Variants in PTPRU observed in about 807,000 individuals in gnomAD.
PTPRU encodes protein tyrosine phosphatase receptor type U, also known as receptor-type tyrosine-protein phosphatase U.
In PTPRU, 69 loss-of-function variants were observed where a neutral mutation model predicts 166.3. That is an observed-to-expected ratio of 0.41 (90% CI 0.34 to 0.51). The LOEUF (loss-of-function observed/expected upper bound fraction) is 0.51. Among genes scored for constraint, PTPRU ranks in the 20% least tolerant of loss-of-function variants. The pLI, the probability that PTPRU is intolerant of heterozygous loss-of-function variation, is 0.09. For missense variants in PTPRU, 1,657 were observed against 2,013.7 expected (o/e 0.82, Z 3.39); for synonymous variants, 793 against 814.0 (o/e 0.97, Z 0.44).
rs745525300 is a variant in PTPRU, at chr1:29,317,850, G to A, written c.3616G>A (p.Asp1206Asn). 3.1e-6 allele frequency: 5 copies of A among 1,613,916 alleles called. No homozygotes were observed. In the Admixed American group the frequency reaches 6.7e-5, roughly 22 times the overall value. The change falls in exon 25 of 30, where the codon GAC becomes AAC. Residue 1206 changes from aspartate (D) to asparagine (N), a missense_variant. Asp to Asn is a conservative substitution (Grantham distance 23). Coordinates refer to ENST00000373779, the MANE Select transcript of PTPRU (RefSeq NM_133178.4). This position sits in a 1 kb window ranked among gnomAD's most constrained non-coding sequence, Gnocchi z 5.6. ...KNRSMDVLPP[D>N]RCLPFLISTD... Reference sequence around the variant, plus strand: ...CCGCAGCATGGACGTCCTGCCGCCCGACCGCTGCCTGCCCTTCCTCATCTC... The same window carrying A: ...CCGCAGCATGGACGTCCTGCCGCCCAACCGCTGCCTGCCCTTCCTCATCTC...
chr1:29,259,268 T>C lies in PTPRU; in HGVS notation c.485T>C (p.Phe162Ser). The stretch of plus-strand genomic sequence containing the variant: ...CCCTCCCGCCTCCCCCAGGTGCTGT[T>C]TGAGGCCCTCATCTCCCCAGACCGC... ...TFWPNEYQVL[F>S]EALISPDRRG... The change falls in exon 4 of 30, where the codon TTT becomes TCT. Residue 162 changes from phenylalanine (F) to serine (S), a missense_variant. Around this residue, in one of 3 missense-constraint regions of PTPRU, gnomAD observed 453 missense variants for 496.9 expected, o/e 0.91. Coordinates refer to ENST00000373779, the MANE Select transcript of PTPRU (RefSeq NM_133178.4). 1 of 1,613,530 alleles carries C rather than the reference T, an allele frequency of 6.2e-7. No individual in the cohort carries two copies. Among genetic ancestry groups the C allele is most frequent in the African/African-American group, 1.3e-5 (1 of 75,006 alleles).
chr1:29,285,213 C>T lies in PTPRU; in HGVS notation c.2318+344C>T, dbSNP rs780004388. On this transcript the variant is annotated intron_variant, in intron 14 of 29. Coordinates refer to ENST00000373779, the MANE Select transcript of PTPRU (RefSeq NM_133178.4). ...GAGGTGACCTGGCTTTGAACCCCTA[C>T]CCTCCTGCAGACCTTCAGCCAAGGT... Among the ~76,000 whole-genome samples the T allele has an allele frequency of 2.6e-5, 4 of 152,168 alleles. No individual in the cohort carries two copies. In the South Asian group the frequency reaches 8.3e-4, roughly 31 times the overall value.
In PTPRU at chr1:29,282,761, A is replaced by C. The variant is rs1686136137; in HGVS notation, c.1954A>C (p.Thr652Pro). The C allele has an allele frequency of 6.2e-7, 1 of 1,613,880 alleles. No individual in the cohort carries two copies. The highest frequency in any genetic ancestry group is 8.5e-7 in the Non-Finnish European group (1 of 1,179,996). ...GGQDCFPVPL[T>P]FEAALARGLV... ...ACAGGACTGCTTCCCAGTGCCATTG[A>C]CCTTCGAGGCGGCGCTGGCCCGAGG... The change falls in exon 12 of 30, where the codon ACC becomes CCC. Residue 652 changes from threonine to proline, a missense_variant. Thr to Pro is a conservative substitution (Grantham distance 38). Around this residue, in one of 3 missense-constraint regions of PTPRU, gnomAD observed 1,190 missense variants for 1,477.4 expected, o/e 0.81. Coordinates refer to ENST00000373779, the MANE Select transcript of PTPRU (RefSeq NM_133178.4).
At chr1:29,304,899 TC>T (rs979894106) in intron 17 of PTPRU, 50 bp downstream of exon 17, 1 of 1,504,000 alleles carries the variant, frequency 6.6e-7, no homozygotes, top group African/African-American at 1.4e-5. Context: ...TGGGAGGGCA[TC>T]AGGAGGGGGA....
intron 7 of PTPRU, among the ~76,000 whole-genome samples, 182 bp from the exon 8 acceptor site, chr1:29,275,266 G>C (rs767263650): frequency 1.3e-5 from 2 of 152,138 alleles, no homozygotes; most frequent in African/African-American, 2.4e-5. Context: ...TTCAAATGTA[G>C]TCCGCCTGAC....
chr1:29,272,242 CT>C (rs2151949768), intron 7 of PTPRU, among the ~76,000 whole-genome samples: 1 of 152,324 alleles, frequency 6.6e-6, no homozygotes, highest in East Asian at 1.9e-4. Context: ...GGTGAATGGG[CT>C]TGCAGCCCAC....
At chr1:29,244,015 C>A (rs754437085) in intron 1 of PTPRU, among the ~76,000 whole-genome samples, 5 of 152,100 alleles carry the variant, frequency 3.3e-5, no homozygotes, top group Non-Finnish European at 5.9e-5. Flanking sequence ...AACCACAAGA[C>A]CTTGTGATGA....
At chr1:29,277,803 CTTTTTTTTTTTTTTT>C (rs71586898) in intron 8 of PTPRU, among the ~76,000 whole-genome samples, 31 of 50,592 alleles carry the variant, frequency 6.1e-4, no homozygotes, top group African/African-American at 1.6e-3. Context: ...AGTTGTCATT[CTTTTTTTTTTTTTTT>C]TTTTTTTTTT....
Position 29,279,781 on chromosome 1 carries a change from AT to A in PTPRU, c.1765+125del. On this transcript the variant is annotated intron_variant, in intron 10 of 29. Coordinates refer to ENST00000373779, the MANE Select transcript of PTPRU (RefSeq NM_133178.4). The surrounding 1 kb of genome is among the most constrained non-coding windows in gnomAD (Gnocchi z 5.2). Reference sequence around the variant, plus strand: ...ACAGAGGGCCCCTGCTGAGATAAATATGCCATTTAGGAGTTAAAGTCAGGCT... The same window carrying A: ...ACAGAGGGCCCCTGCTGAGATAAATAGCCATTTAGGAGTTAAAGTCAGGCT... 1 of 1,205,696 alleles carries A rather than the reference AT, an allele frequency of 8.3e-7. No individual in the cohort carries two copies. The highest frequency in any genetic ancestry group is 1.2e-6 in the Non-Finnish European group (1 of 850,446). The allele number at this position is 1,205,696 out of a possible 1,614,324, so 74.7% of individuals were successfully genotyped here. A position where few individuals can be genotyped will look rare whatever the true frequency, so the allele number is the denominator to read the frequency against.
At chr1:29,304,737 C>T (rs755633655) in intron 16 of PTPRU, 37 bp from the exon 17 acceptor site, 1 of 1,538,126 alleles carries the variant, frequency 6.5e-7, no homozygotes, top group Admixed American at 1.7e-5. Flanking sequence ...AGTGAGGGTC[C>T]CTCTCTCCCA....
rs1687876209 is a variant in PTPRU, at chr1:29,315,777, C to T, written c.3364-225C>T. 2.6e-5 allele frequency among the ~76,000 whole-genome samples: 4 copies of T among 152,274 alleles called. No individual in the cohort carries two copies. The South Asian group carries it at 8.3e-4, about 32-fold the overall frequency. On this transcript the variant is annotated intron_variant, in intron 23 of 29. Transcript: ENST00000373779. The surrounding 1 kb of genome is among the most constrained non-coding windows in gnomAD (Gnocchi z 4.5). ...TGTGTGACCGTGAGCTGTCCCCCAC[C>T]TCTCAGAGCACTCACAGAGTTGTTA...
intron 15 of PTPRU, among the ~76,000 whole-genome samples, chr1:29,302,197 C>CA (rs1415780764): frequency 5.0e-5 from 7 of 141,240 alleles, no homozygotes; most frequent in South Asian, 4.5e-4. Flanking sequence ...TAGTTTTTAA[C>CA]AAAAAAAATT....
intron 22 of PTPRU, among the ~76,000 whole-genome samples, chr1:29,314,103 A>C (rs1687789155): frequency 6.6e-6 from 1 of 152,166 alleles, no homozygotes; most frequent in Admixed American, 6.5e-5. Flanking sequence ...TCCACAGTGG[A>C]TCATCGTCCA....
At chr1:29,323,891 A>G in intron 28 of PTPRU, 103 bp downstream of exon 28, 2 of 1,372,038 alleles carry the variant, frequency 1.5e-6, no homozygotes, top group Non-Finnish European at 2.0e-6. Context: ...CAAAGCTGGC[A>G]CCGAAACCCC....
chr1:29,248,894 C>T (rs543739602), intron 1 of PTPRU, among the ~76,000 whole-genome samples: 6 of 152,312 alleles, frequency 3.9e-5, no homozygotes, highest in African/African-American at 1.4e-4. Flanking sequence ...CACCCATGCC[C>T]ACCCTCATGC....
chr1:29,243,233 G>A (rs182117311), intron 1 of PTPRU, among the ~76,000 whole-genome samples: 1 of 152,254 alleles, frequency 6.6e-6, no homozygotes, highest in East Asian at 1.9e-4. Flanking sequence ...CCACCCTGTG[G>A]CTGGAATAAG....
Position 29,258,550 on chromosome 1 carries a change from G to A in PTPRU, c.251G>A (p.Arg84Gln), listed in dbSNP as rs762333443. The A allele has an allele frequency of 2.1e-5, 34 of 1,614,006 alleles. No individual in the cohort carries two copies. Among genetic ancestry groups the A allele is most frequent in the Non-Finnish European group, 2.7e-5 (32 of 1,180,034 alleles). ...ACTTCCCAGCATGCCCCAGGCCAGCGAGCCCATGTCATCTTCCAGAGCCTG... is the reference window on the plus strand; with the variant it reads ...ACTTCCCAGCATGCCCCAGGCCAGCAAGCCCATGTCATCTTCCAGAGCCTG... ...VNTSQHAPGQRAHVIFQSLSE... is the reference protein window; with the variant it reads ...VNTSQHAPGQQAHVIFQSLSE... Residue 84 changes from arginine to glutamine, a missense_variant, in exon 3 of 30, where the codon CGA (arginine) becomes CAA (glutamine). This residue lies in a region of PTPRU where 453 missense variants were observed against 496.9 expected (regional missense o/e 0.91). Coordinates refer to ENST00000373779, the MANE Select transcript of PTPRU (RefSeq NM_133178.4).
chr1:29,322,334 G>A (rs969484003), intron 26 of PTPRU, among the ~76,000 whole-genome samples: 1 of 152,224 alleles, frequency 6.6e-6, no homozygotes, highest in African/African-American at 2.4e-5. Context: ...TGGTCCAGGA[G>A]GAAACAGGTA....
intron 15 of PTPRU, among the ~76,000 whole-genome samples, chr1:29,298,863 G>A (rs9426315): frequency 0.55 from 83,536 of 152,032 alleles, 26,250 homozygotes; most frequent in African/African-American, 0.85. Flanking sequence ...AGGAACAATG[G>A]TAGTGCCCCT....
Sources: gnomAD v4.1 joint callset for allele counts (sites outside exome capture counted in the v4.1 genomes callset) on GRCh38, gnomAD v4.1.1 for gene constraint, gnomAD v4.1.1 regional missense constraint, Gnocchi (gnomAD v3.1) non-coding constraint, MANE v1.5 for transcripts, NCBI Gene and HGNC (gene_info 2026-07-23, HGNC 2026-07-21) for gene names.